Variants in SPARCL1 observed in about 807,000 individuals in gnomAD.
SPARCL1 encodes SPARC-like protein 1.
SPARCL1 carries 52 observed loss-of-function variants against 67.1 expected under a neutral mutation model. The observed-to-expected ratio is 0.78, with a 90% CI of 0.62 to 0.98. The LOEUF is 0.98. Among genes scored for constraint, SPARCL1 ranks in the 50% least tolerant of loss-of-function variants. The pLI is 0.00. For missense variants in SPARCL1, 717 were observed against 782.4 expected (o/e 0.92, Z 1.00); for synonymous variants, 226 against 267.8 (o/e 0.84, Z 1.52).
chr4:87,490,230 G>T, intron 7 of SPARCL1, 43 bp downstream of exon 7: 1 of 1,569,944 alleles, frequency 6.4e-7, no homozygotes. Context: ...TTCACCCCAA[G>T]CCCTCTCAGA....
chr4:87,526,162 T>C (rs1390560012), intron 1 of SPARCL1, among the ~76,000 whole-genome samples: 1 of 152,186 alleles, frequency 6.6e-6, no homozygotes, highest in African/African-American at 2.4e-5. Context: ...CATAGAACAC[T>C]TTCTTTGGTT....
intron 10 of SPARCL1, among the ~76,000 whole-genome samples, chr4:87,474,829 G>A (rs962551240): frequency 4.8e-5 from 7 of 144,430 alleles, no homozygotes; most frequent in African/African-American, 7.8e-5. Context: ...TGCAAGCTCC[G>A]CCTCCCGGGT....
chr4:87,501,134 G>C (rs6849972), intron 1 of SPARCL1, among the ~76,000 whole-genome samples: 26,261 of 152,010 alleles, frequency 0.17, 2,868 homozygotes, highest in African/African-American at 0.31. Context: ...CAACAACCCC[G>C]TAAGGAAATC....
In SPARCL1 at chr4:87,491,607, T is replaced by G; in HGVS notation, c.1291+11A>C. 1 of 1,606,306 alleles carries G rather than the reference T, an allele frequency of 6.2e-7. No homozygotes were observed. Among genetic ancestry groups the G allele is most frequent in the Non-Finnish European group, 8.5e-7 (1 of 1,173,054 alleles). ...ATATAGTCACAAACAGCTTGCTTCA[T>G]GCATACTCACCCACAGCATGCACCC... On this transcript the variant is annotated intron_variant, in intron 5 of 10. Transcript: ENST00000282470.
intron 5 of SPARCL1, among the ~76,000 whole-genome samples, chr4:87,491,156 C>A (rs1393982284): frequency 6.6e-6 from 1 of 152,180 alleles, no homozygotes; most frequent in African/African-American, 2.4e-5. Flanking sequence ...AAAGAACAGA[C>A]AGCTCTTCTA....
At chr4:87,491,852 C>T (rs1422569863) in intron 4 of SPARCL1, among the ~76,000 whole-genome samples, 162 bp from the exon 5 acceptor site, 1 of 151,762 alleles carries the variant, frequency 6.6e-6, no homozygotes, top group Non-Finnish European at 1.5e-5. Flanking sequence ...CATGTGTAAT[C>T]CCAGCACTTT....
Position 87,494,525 on chromosome 4 carries a change from C to T in SPARCL1, c.275G>A (p.Ser92Asn), listed in dbSNP as rs1291927579. Reference sequence around the variant, plus strand: ...TTGATCCTTCAATCCCAGCTCTTGGCTAGAACTCTTGCCCTGTTCTGCTGA... The same window carrying T: ...TTGATCCTTCAATCCCAGCTCTTGGTTAGAACTCTTGCCCTGTTCTGCTGA... ...EQSAEQGKSS[S>N]QELGLKDQED... The change falls in exon 4 of 11, where the codon AGC (serine) becomes AAC (asparagine). Residue 92 changes from serine (S) to asparagine (N), a missense_variant. Ser to Asn is a conservative substitution (Grantham distance 46, BLOSUM62 1). Transcript: ENST00000282470. The T allele has an allele frequency of 1.2e-6, 2 of 1,614,026 alleles. No homozygotes were observed. Among genetic ancestry groups the T allele is most frequent in the Admixed American group, 1.7e-5 (1 of 59,996 alleles).
chr4:87,524,189 A>T (rs1560456888), intron 1 of SPARCL1, among the ~76,000 whole-genome samples: 2 of 152,250 alleles, frequency 1.3e-5, no homozygotes, highest in African/African-American at 2.4e-5. Flanking sequence ...CCTGGTGTTA[A>T]TCAAGATGAG....
intron 9 of SPARCL1, among the ~76,000 whole-genome samples, chr4:87,479,803 C>G (rs903502153): frequency 1.3e-5 from 2 of 152,184 alleles, no homozygotes; most frequent in African/African-American, 4.8e-5. Flanking sequence ...GTCCTTCCCC[C>G]ACCCTAAATC....
rs137962434 is a variant in SPARCL1, at chr4:87,494,169, C to A, written c.631G>T (p.Val211Phe). The A allele has an allele frequency of 1.3e-5, 21 of 1,613,940 alleles. No homozygotes were observed. Among genetic ancestry groups the A allele is most frequent in the Non-Finnish European group, 1.6e-5 (19 of 1,180,024 alleles). The change falls in exon 4 of 11, where the codon GTT becomes TTT. Residue 211 changes from valine to phenylalanine, a missense_variant. Physicochemically the swap from Val to Phe is conservative, Grantham distance 50. Transcript: ENST00000282470. ...TCTTGGTTATCATTGTGGGTACCAA[C>A]TTCACCTGGCTCTTTTTCTTCTTCC... ...EEEEEKEPGE[V>F]GTHNDNQERK...
At chr4:87,522,157 T>C (rs890522332) in intron 1 of SPARCL1, among the ~76,000 whole-genome samples, 3 of 152,126 alleles carry the variant, frequency 2.0e-5, no homozygotes, top group Admixed American at 1.3e-4. Context: ...CCTAAAGTCA[T>C]CTGAAGGGTG....
chr4:87,507,894 C>T (rs1168086210), intron 1 of SPARCL1, among the ~76,000 whole-genome samples: 1 of 152,138 alleles, frequency 6.6e-6, no homozygotes, highest in African/African-American at 2.4e-5. Flanking sequence ...CAGGGAAACA[C>T]CTACTTAGAT....
intron 1 of SPARCL1, among the ~76,000 whole-genome samples, chr4:87,504,051 G>A (rs1217313801): frequency 1.3e-5 from 2 of 151,738 alleles, no homozygotes; most frequent in Middle Eastern, 3.4e-3. Context: ...TCAAATCCAG[G>A]TGGTCCAGGG....
intron 5 of SPARCL1, 74 bp downstream of exon 5, chr4:87,491,544 G>T: frequency 8.5e-7 from 1 of 1,170,004 alleles, no homozygotes; most frequent in Non-Finnish European, 1.3e-6. Context: ...AAAGGATGGA[G>T]GGACAAGCCC....
chr4:87,504,177 G>GTGTGTGTT (rs1724977651), intron 1 of SPARCL1, among the ~76,000 whole-genome samples: 1 of 123,636 alleles, frequency 8.1e-6, no homozygotes, highest in Non-Finnish European at 1.7e-5. Context: ...GTGTGTGTGT[G>GTGTGTGTT]TGTGTGGTGG....
chr4:87,505,916 A>G (rs896048255), intron 1 of SPARCL1, among the ~76,000 whole-genome samples: 1 of 152,142 alleles, frequency 6.6e-6, no homozygotes, highest in Admixed American at 6.6e-5. Context: ...CTATAGAAAT[A>G]CAAAATAGTA....
At chr4:87,474,183 A>G (rs1032358864) in intron 10 of SPARCL1, among the ~76,000 whole-genome samples, 1 of 152,208 alleles carries the variant, frequency 6.6e-6, no homozygotes, top group Admixed American at 6.5e-5. Context: ...ATAGAAGTGT[A>G]GTGCTAGGTT....
chr4:87,489,146 A>C (rs1183391410), intron 7 of SPARCL1, among the ~76,000 whole-genome samples: 1 of 151,314 alleles, frequency 6.6e-6, no homozygotes, highest in Non-Finnish European at 1.5e-5. Context: ...ATGGAAAAAA[A>C]CTCCTGTAGC....
chr4:87,480,521 C>T lies in SPARCL1; in HGVS notation c.1669-1G>A, dbSNP rs1463595336. The T allele has an allele frequency of 6.2e-7, 1 of 1,605,146 alleles. No individual in the cohort carries two copies. The highest frequency in any genetic ancestry group is 8.5e-7 in the Non-Finnish European group (1 of 1,176,660). On this transcript the variant is annotated splice_acceptor_variant, in intron 8 of 10. Coordinates refer to ENST00000282470, the MANE Select transcript of SPARCL1 (RefSeq NM_004684.6). LOFTEE classifies it high-confidence loss of function. ...TTTCATCCAGGTAAATTTTCTTGAC[C>T]TGGGATTAGGAAGGCAGAAGACTGT...
Sources: allele counts gnomAD v4.1 joint callset (sites outside exome capture counted in the v4.1 genomes callset), GRCh38; gene constraint gnomAD v4.1.1; transcripts MANE v1.5; gene names NCBI Gene and HGNC (gene_info 2026-07-23, HGNC 2026-07-21).